Variants in RAPGEF2 observed in about 807,000 individuals in gnomAD.
The protein encoded by RAPGEF2 is PDZ domain containing guanine nucleotide exchange factor (GEF) 1.
In RAPGEF2, 54 loss-of-function variants were observed where a neutral mutation model predicts 186.7. That is an observed-to-expected ratio of 0.29 (90% CI 0.23 to 0.36). RAPGEF2 has a LOEUF of 0.36. RAPGEF2 is among the 10% of genes least tolerant of loss of function. RAPGEF2 has a pLI of 1.00. For missense variants in RAPGEF2, 1,532 were observed against 2,045.0 expected (o/e 0.75, Z 4.84); for synonymous variants, 712 against 705.9 (o/e 1.01, Z -0.14).
chr4:159,237,412 G>A (rs1165165432), intron 4 of RAPGEF2, among the ~76,000 whole-genome samples: 1 of 152,172 alleles, frequency 6.6e-6, no homozygotes, highest in Non-Finnish European at 1.5e-5. Flanking sequence ...AGTCTAACCT[G>A]ATAACCTGTA....
chr4:159,304,200 A>G (rs780340805), intron 7 of RAPGEF2, 142 bp from the exon 8 acceptor site: 20 of 737,914 alleles, frequency 2.7e-5, no homozygotes, highest in Non-Finnish European at 3.6e-5. Flanking sequence ...ATAAGACAAT[A>G]TTTAGTAATT....
chr4:159,111,511 T>G (rs1271539110), intron 1 of RAPGEF2, among the ~76,000 whole-genome samples: 2 of 152,224 alleles, frequency 1.3e-5, no homozygotes, highest in Non-Finnish European at 2.9e-5. Context: ...CTCTAGCTCA[T>G]GGTATTTGTT....
chr4:159,133,804 C>T (rs1187055872), intron 1 of RAPGEF2, among the ~76,000 whole-genome samples: 3 of 152,046 alleles, frequency 2.0e-5, no homozygotes, highest in East Asian at 3.9e-4. Flanking sequence ...AGGATGGTCT[C>T]GATCTCCTGA....
intron 4 of RAPGEF2, among the ~76,000 whole-genome samples, chr4:159,216,744 T>A (rs1751025269): frequency 6.6e-6 from 1 of 152,178 alleles, no homozygotes; most frequent in African/African-American, 2.4e-5. Flanking sequence ...AATGTGCATA[T>A]CATGTATTTG....
chr4:159,275,636 C>G (rs962535277), intron 7 of RAPGEF2, among the ~76,000 whole-genome samples: 13 of 152,074 alleles, frequency 8.5e-5, no homozygotes, highest in Admixed American at 1.3e-4. Context: ...AATATACGCT[C>G]TATCTCTTGT....
intron 7 of RAPGEF2, among the ~76,000 whole-genome samples, chr4:159,261,302 T>C (rs1030585290): frequency 2.0e-5 from 3 of 149,570 alleles, no homozygotes; most frequent in Non-Finnish European, 3.0e-5. Flanking sequence ...GACCTTGTGA[T>C]TCGCCCACCT....
intron 1 of RAPGEF2, among the ~76,000 whole-genome samples, chr4:159,183,989 G>A (rs1747297499): frequency 6.6e-6 from 1 of 152,164 alleles, no homozygotes; most frequent in African/African-American, 2.4e-5. Flanking sequence ...AGAACGTGTG[G>A]TGTTTGGTTT....
intron 1 of RAPGEF2, among the ~76,000 whole-genome samples, chr4:159,116,097 TAAACTA>T (rs534980217): frequency 3.7e-4 from 56 of 152,008 alleles, no homozygotes; most frequent in Non-Finnish European, 7.2e-4. Context: ...AGGATCTAAT[TAAACTA>T]AAGAGCCTCT....
In RAPGEF2 at chr4:159,350,124, T is replaced by G. The variant is rs1474303678; in HGVS notation, c.3713-13T>G. 1 of 1,483,338 alleles carries G rather than the reference T, an allele frequency of 6.7e-7. No homozygotes were observed. The highest frequency in any genetic ancestry group is 9.0e-7 in the Non-Finnish European group (1 of 1,107,490). The allele number at this position is 1,483,338 out of a possible 1,614,324, so 91.9% of individuals were successfully genotyped here. On this transcript the variant is annotated splice_polypyrimidine_tract_variant and intron_variant, in intron 25 of 29. Transcript: ENST00000691494. ...GAAAATACATATTTAAGGTTTTTTT[T>G]TTTCCATTATAGGCATAAACTCTCC...
In RAPGEF2 at chr4:159,338,434, A is replaced by G; in HGVS notation, c.2259A>G (p.Ser753=). ...CCAGTAATCCTGATTTATTGCAGTC[A>G]CATCATCGCATTTTAGACTTCAGTG... ...LSSSNPDLLQ[S]HHRILDFSAT... Residue 753 remains serine (S), a synonymous_variant, in exon 18 of 30, where the codon TCA becomes TCG. Transcript: ENST00000691494. 1 of 1,614,122 alleles carries G rather than the reference A, an allele frequency of 6.2e-7. No individual in the cohort carries two copies.
intron 8 of RAPGEF2, among the ~76,000 whole-genome samples, chr4:159,312,676 C>T (rs922064689): frequency 3.3e-5 from 5 of 152,086 alleles, no homozygotes; most frequent in Non-Finnish European, 7.4e-5. Flanking sequence ...ATTATTTTCC[C>T]CTTAAGTTTC....
chr4:159,160,601 C>T (rs1744608285), intron 1 of RAPGEF2, among the ~76,000 whole-genome samples: 1 of 152,244 alleles, frequency 6.6e-6, no homozygotes, highest in Non-Finnish European at 1.5e-5. Flanking sequence ...TGCCTGCGCA[C>T]AGAGCTTAGA....
intron 4 of RAPGEF2, among the ~76,000 whole-genome samples, chr4:159,224,834 A>G (rs1248127882): frequency 6.6e-6 from 1 of 152,202 alleles, no homozygotes; most frequent in African/African-American, 2.4e-5. Flanking sequence ...TTCCATGGAA[A>G]AAGAAGTTGA....
chr4:159,268,839 C>T (rs1227320844), intron 7 of RAPGEF2, among the ~76,000 whole-genome samples: 3 of 152,028 alleles, frequency 2.0e-5, no homozygotes, highest in Admixed American at 2.0e-4. Context: ...ATGCCTAACA[C>T]CAAGTCAGAG....
chr4:159,167,449 C>T (rs151287934), intron 1 of RAPGEF2, among the ~76,000 whole-genome samples: 1,681 of 152,240 alleles, frequency 0.011, 17 homozygotes, highest in Middle Eastern at 0.024. Context: ...AGAAGAATGA[C>T]GGTTCAAAGC....
At chr4:159,164,769 G>A (rs773793766) in intron 1 of RAPGEF2, among the ~76,000 whole-genome samples, 1 of 152,156 alleles carries the variant, frequency 6.6e-6, no homozygotes. Context: ...CTGTTGAGAT[G>A]TGACGTCGCT....
At chr4:159,295,073 G>A (rs1338250360) in intron 7 of RAPGEF2, among the ~76,000 whole-genome samples, 1 of 152,166 alleles carries the variant, frequency 6.6e-6, no homozygotes, top group African/African-American at 2.4e-5. Flanking sequence ...AGTATGAAAC[G>A]TTCAGCGTAT....
At chr4:159,307,219 T>G (rs1194026432) in intron 8 of RAPGEF2, among the ~76,000 whole-genome samples, 2 of 152,190 alleles carry the variant, frequency 1.3e-5, no homozygotes, top group Non-Finnish European at 2.9e-5. Flanking sequence ...ATTGTTGTAT[T>G]TAGTCAGTGC....
chr4:159,119,965 T>G (rs1181764186), intron 1 of RAPGEF2, among the ~76,000 whole-genome samples: 1 of 152,182 alleles, frequency 6.6e-6, no homozygotes, highest in Non-Finnish European at 1.5e-5. Context: ...TACTTTGTCA[T>G]TTTTTTAGGA....
Sources: gnomAD v4.1 joint callset for allele counts (sites outside exome capture counted in the v4.1 genomes callset) on GRCh38, gnomAD v4.1.1 for gene constraint, MANE v1.5 for transcripts, NCBI Gene and HGNC (gene_info 2026-07-23, HGNC 2026-07-21) for gene names.